Variants in ACOT7 observed in about 807,000 individuals in gnomAD.
ACOT7 encodes cytosolic acyl coenzyme A thioester hydrolase.
In ACOT7, 12 loss-of-function variants were observed where a neutral mutation model predicts 40.2. The ratio of observed to expected loss-of-function variants is 0.30; its 90% CI spans 0.19 to 0.48. The LOEUF (loss-of-function observed/expected upper bound fraction) is 0.48, where lower values mean the gene tolerates loss of function less well. Ranked by LOEUF, ACOT7 falls within the 20% of genes least tolerant of loss-of-function variation. The pLI is 0.99. For synonymous variants in ACOT7, 228 were observed against 219.5 expected (o/e 1.04, Z -0.34); for missense variants, 395 against 530.8 (o/e 0.74, Z 2.51).
chr1:6,306,967 T>C lies in ACOT7; in HGVS notation c.712+11525A>G. ...CGTCTTGGTGGAGGCCTCACTTGCG[T>C]CCCCTCCCATGTTTTCTCTGCCTTC... On this transcript the variant is annotated intron_variant, in intron 6 of 8. Transcript: ENST00000361521. This position sits in a 1 kb window ranked among gnomAD's most constrained non-coding sequence, Gnocchi z 4.3. The C allele has an allele frequency of 2.4e-6, 3 of 1,256,618 alleles. No individual in the cohort carries two copies. The highest frequency in any genetic ancestry group is 3.1e-6 in the Non-Finnish European group (3 of 959,960). The allele number at this position is 1,256,618 out of a possible 1,614,324, so 77.8% of individuals were successfully genotyped here. A position where few individuals can be genotyped will look rare whatever the true frequency, so the allele number is the denominator to read the frequency against.
At chr1:6,369,231 T>A (rs1474847769) in intron 1 of ACOT7, among the ~76,000 whole-genome samples, 1 of 152,106 alleles carries the variant, frequency 6.6e-6, no homozygotes, top group Non-Finnish European at 1.5e-5. Flanking sequence ...TCCACCCACT[T>A]TGACCTCCCA....
At chr1:6,280,381 G>A (rs1010412142) in intron 8 of ACOT7, among the ~76,000 whole-genome samples, 1 of 152,228 alleles carries the variant, frequency 6.6e-6, no homozygotes, top group Non-Finnish European at 1.5e-5. Flanking sequence ...GCCTCTTTGG[G>A]CCGCGCGAAC....
At chr1:6,347,066 C>T (rs1023370331) in intron 2 of ACOT7, among the ~76,000 whole-genome samples, 1 of 152,128 alleles carries the variant, frequency 6.6e-6, no homozygotes, top group Non-Finnish European at 1.5e-5. Flanking sequence ...GAGACAGAAC[C>T]TTGGGACTTC....
At chr1:6,372,627 T>C (rs1642153517) in intron 1 of ACOT7, among the ~76,000 whole-genome samples, 1 of 149,930 alleles carries the variant, frequency 6.7e-6, no homozygotes, top group Non-Finnish European at 1.5e-5. Context: ...CTTGACTCAC[T>C]GCAACCTCCA....
At chr1:6,372,044 CAAAAAAA>C (rs35430188) in intron 1 of ACOT7, among the ~76,000 whole-genome samples, 1 of 130,386 alleles carries the variant, frequency 7.7e-6, no homozygotes, top group Non-Finnish European at 1.7e-5. Flanking sequence ...AACTCTGTGT[CAAAAAAA>C]AAAAAAAGAA....
chr1:6,272,633 G>A (rs770762945), intron 8 of ACOT7, among the ~76,000 whole-genome samples: 1 of 152,178 alleles, frequency 6.6e-6, no homozygotes, highest in Non-Finnish European at 1.5e-5. Context: ...TGTGTGTCTG[G>A]CCGCAAAGAG....
chr1:6,324,829 A>G (rs1640753812), intron 5 of ACOT7, among the ~76,000 whole-genome samples: 1 of 152,220 alleles, frequency 6.6e-6, no homozygotes, highest in Non-Finnish European at 1.5e-5. Context: ...ATTTAACCAC[A>G]TCTGCAAAGA....
chr1:6,383,623 C>T (rs1055676349), intron 1 of ACOT7, among the ~76,000 whole-genome samples: 8 of 150,914 alleles, frequency 5.3e-5, no homozygotes, highest in Non-Finnish European at 8.9e-5. Flanking sequence ...ACAGCCTCAA[C>T]TTCCTGGGTT....
At chr1:6,334,458 G>A (rs569494744) in intron 3 of ACOT7, among the ~76,000 whole-genome samples, 1,572 of 152,368 alleles carry the variant, frequency 0.01, 17 homozygotes, top group Non-Finnish European at 0.014. Flanking sequence ...AGGGGCAGGG[G>A]GGACGGCCAG....
At chr1:6,344,032 G>A (rs1571326679) in intron 2 of ACOT7, among the ~76,000 whole-genome samples, 2 of 152,330 alleles carry the variant, frequency 1.3e-5, no homozygotes, top group East Asian at 3.9e-4. Flanking sequence ...CAGATGAGAG[G>A]CATCTGAGCT....
chr1:6,324,124 C>G (rs1640735020), intron 5 of ACOT7, among the ~76,000 whole-genome samples: 1 of 145,210 alleles, frequency 6.9e-6, no homozygotes, highest in South Asian at 2.1e-4. Context: ...AGCCACCATA[C>G]AGGAGACCAG....
intron 2 of ACOT7, among the ~76,000 whole-genome samples, chr1:6,346,615 C>G (rs763884736): frequency 1.3e-4 from 20 of 152,236 alleles, no homozygotes; most frequent in Non-Finnish European, 2.8e-4. Flanking sequence ...AACAGGAGAT[C>G]TGGAGGGCTC....
At position 6,272,242 on chromosome 1, in the gene ACOT7, GATGA is replaced by G. The variant is rs111930372; in HGVS notation, c.1015-7551_1015-7548del. The stretch of plus-strand genomic sequence containing the variant: ...GGGCACAGGAGGTGTTTGCTGGATG[GATGA>G]ATGAATGAATGAATGAATGATCAAA... On this transcript the variant is annotated intron_variant, in intron 8 of 8. Coordinates refer to ENST00000361521, the MANE Select transcript of ACOT7 (RefSeq NM_007274.4). Among the ~76,000 whole-genome samples, 251 of 152,348 alleles carry G rather than the reference GATGA, an allele frequency of 1.6e-3. 1 individual carries two copies. Among genetic ancestry groups the G allele is most frequent in the Non-Finnish European group, 3.4e-4 (23 of 68,024 alleles).
In ACOT7 at chr1:6,320,879, G is replaced by A. The variant is rs527837889; in HGVS notation, c.626-2301C>T. Among the ~76,000 whole-genome samples the A allele has an allele frequency of 4.6e-5, 7 of 152,330 alleles. No homozygotes were observed. In the South Asian group the frequency reaches 6.2e-4, roughly 14 times the overall value. On this transcript the variant is annotated intron_variant, in intron 5 of 8. Coordinates refer to ENST00000361521, the MANE Select transcript of ACOT7 (RefSeq NM_007274.4). ...TCACATGCATGCAGTCTTCTCCATC[G>A]TGTTTACACGCAATTCTTCATGTTC...
At chr1:6,323,716 CAAA>C (rs1171499592) in intron 5 of ACOT7, among the ~76,000 whole-genome samples, 70 of 69,052 alleles carry the variant, frequency 1.0e-3, no homozygotes, top group African/African-American at 1.6e-3. Context: ...AGACTTGTCT[CAAA>C]AAAAAAAAAA....
At chr1:6,347,464 TA>T (rs1641462182) in intron 2 of ACOT7, among the ~76,000 whole-genome samples, 1 of 152,144 alleles carries the variant, frequency 6.6e-6, no homozygotes, top group Non-Finnish European at 1.5e-5. Flanking sequence ...GCAACTGGGA[TA>T]ATAAAAATAA....
chr1:6,328,460 A>G (rs1640865825), intron 4 of ACOT7, among the ~76,000 whole-genome samples: 1 of 152,026 alleles, frequency 6.6e-6, no homozygotes, highest in African/African-American at 2.4e-5. Context: ...CAGGAGTTCG[A>G]GACTAGCCTG....
Position 6,393,283 on chromosome 1 carries a change from C to A in ACOT7, c.117G>T (p.Glu39Asp). 1 of 1,284,290 alleles carries A rather than the reference C, an allele frequency of 7.8e-7. No individual in the cohort carries two copies. Among genetic ancestry groups the A allele is most frequent in the Non-Finnish European group, 9.9e-7 (1 of 1,015,142 alleles). 79.6% of individuals were successfully genotyped at this position (1,284,290 alleles called of 1,614,324 possible). Reference sequence around the variant, plus strand: ...GGCAGATCTGGATGGCGGACGGCGTCTCGACGTCTGGGCCCGACATGCTGG... The same window carrying A: ...GGCAGATCTGGATGGCGGACGGCGTATCGACGTCTGGGCCCGACATGCTGG... Reference protein sequence around the residue: ...AAPSMSGPDVETPSAIQICRI... With the variant: ...AAPSMSGPDVDTPSAIQICRI... The change falls in exon 1 of 9, where the codon GAG becomes GAT. Residue 39 changes from glutamate to aspartate, a missense_variant. Around this residue, in one of 2 missense-constraint regions of ACOT7, gnomAD observed 86 missense variants for 60.5 expected, o/e 1.42. Coordinates refer to ENST00000361521, the MANE Select transcript of ACOT7 (RefSeq NM_007274.4).
chr1:6,281,419 A>C (rs1380201099), intron 7 of ACOT7, 133 bp from the exon 8 acceptor site: 1 of 721,312 alleles, frequency 1.4e-6, no homozygotes, highest in East Asian at 2.5e-5. Context: ...CCAGATGTTC[A>C]AATAACAGAA....
Sources: gnomAD v4.1 joint callset for allele counts (sites outside exome capture counted in the v4.1 genomes callset) on GRCh38, gnomAD v4.1.1 for gene constraint, gnomAD v4.1.1 regional missense constraint, Gnocchi (gnomAD v3.1) non-coding constraint, MANE v1.5 for transcripts, NCBI Gene and HGNC (gene_info 2026-07-23, HGNC 2026-07-21) for gene names.